The following ABAT variants were observed in gnomAD, a reference collection of about 807,000 sequenced individuals.
ABAT encodes the protein 4-aminobutyrate aminotransferase, also known as 4-aminobutyrate aminotransferase, mitochondrial.
In ABAT, 45 loss-of-function variants were observed where a neutral mutation model predicts 64.6. The observed-to-expected ratio is 0.70, with a 90% CI of 0.55 to 0.89. The LOEUF is 0.89. Ranked by LOEUF, ABAT falls within the 40% of genes least tolerant of loss-of-function variation. The pLI is 0.00. For missense variants in ABAT, 633 were observed against 658.4 expected, an observed-to-expected ratio of 0.96 and a Z score of 0.42; for synonymous variants, 297 against 250.5, an observed-to-expected ratio of 1.19 and a Z score of -1.75.
At chr16:8,770,338 CGTGTTAGCCAGG>C (rs1189383412) in intron 11 of ABAT, among the ~76,000 whole-genome samples, 1 of 152,130 alleles carries the variant, frequency 6.6e-6, no homozygotes, top group African/African-American at 2.4e-5. Flanking sequence ...AGGGTTTCAC[CGTGTTAGCCAGG>C]ATGGTCTCGA....
chr16:8,704,257 C>T (rs746599468), intron 1 of ABAT, among the ~76,000 whole-genome samples: 5 of 152,218 alleles, frequency 3.3e-5, no homozygotes, highest in African/African-American at 9.6e-5. Context: ...TCCACACCTT[C>T]GGAAACCAAA....
chr16:8,723,827 ATTTTTTTTTTTTTTT>A (rs1157410078), intron 1 of ABAT, among the ~76,000 whole-genome samples: 1 of 40,348 alleles, frequency 2.5e-5, no homozygotes, highest in Non-Finnish European at 4.0e-5. Context: ...ATATATATAT[ATTTTTTTTTTTTTTT>A]TTTTTTTTTT....
intron 14 of ABAT, 68 bp from the exon 15 acceptor site, chr16:8,779,411 C>T: frequency 1.5e-6 from 2 of 1,378,728 alleles, no homozygotes; most frequent in African/African-American, 1.4e-5. Flanking sequence ...TGACGAAGCA[C>T]AGCCATTAAG....
intron 1 of ABAT, among the ~76,000 whole-genome samples, chr16:8,675,809 C>G (rs551943882): frequency 6.6e-6 from 1 of 152,308 alleles, no homozygotes; most frequent in African/African-American, 2.4e-5. Flanking sequence ...GTGTTCAATG[C>G]ATTCTCTCTT....
chr16:8,731,337 G>A (rs755868763), intron 1 of ABAT: 3 of 152,148 alleles, frequency 2.0e-5, no homozygotes, highest in African/African-American at 4.8e-5. Flanking sequence ...AAACTTCTAG[G>A]TAACTCAACC....
At chr16:8,770,604 G>C (rs1257498641) in intron 11 of ABAT, among the ~76,000 whole-genome samples, 2 of 151,972 alleles carry the variant, frequency 1.3e-5, no homozygotes, top group Non-Finnish European at 2.9e-5. Flanking sequence ...ACCACACCTG[G>C]CTAATTTTTG....
intron 1 of ABAT, among the ~76,000 whole-genome samples, chr16:8,723,338 C>T (rs1450885470): frequency 1.3e-5 from 2 of 152,160 alleles, no homozygotes; most frequent in African/African-American, 2.4e-5. Context: ...GAGACTTGTG[C>T]ACCAGCAGGG....
At chr16:8,717,012 G>A (rs1045536393) in intron 1 of ABAT, among the ~76,000 whole-genome samples, 2 of 152,162 alleles carry the variant, frequency 1.3e-5, no homozygotes, top group Admixed American at 6.5e-5. Context: ...ATTGATGGCC[G>A]GGCACGGTAG....
rs2142998637 is a variant in ABAT, at chr16:8,776,647, G to A, written c.1269+157G>A. 6.6e-6 allele frequency among the ~76,000 whole-genome samples: 1 copy of A among 152,352 alleles called. No homozygotes were observed. Among genetic ancestry groups the A allele is most frequent in the African/African-American group, 2.4e-5 (1 of 41,588 alleles). ...TAGCCTTGGGGGCTTTGCACATGCT[G>A]TGTCCTCTGCAGGGGATGCCTCCCT... On this transcript the variant is annotated intron_variant, in intron 14 of 15. Coordinates refer to ENST00000268251, the MANE Select transcript of ABAT (RefSeq NM_020686.6). This position sits in a 1 kb window ranked among gnomAD's most constrained non-coding sequence, Gnocchi z 4.4.
intron 1 of ABAT, among the ~76,000 whole-genome samples, chr16:8,724,316 A>G (rs2058471077): frequency 6.6e-6 from 1 of 152,238 alleles, no homozygotes; most frequent in Non-Finnish European, 1.5e-5. Context: ...AAAATAAAAA[A>G]TAAGTAAAGC....
intron 12 of ABAT, among the ~76,000 whole-genome samples, chr16:8,774,005 T>C (rs773631282): frequency 6.6e-6 from 1 of 152,238 alleles, no homozygotes; most frequent in Non-Finnish European, 1.5e-5. Context: ...CTTGGCTCAC[T>C]GTAACCTCTG....
intron 6 of ABAT, among the ~76,000 whole-genome samples, chr16:8,762,627 G>A (rs778961963): frequency 2.6e-5 from 4 of 152,102 alleles, no homozygotes; most frequent in Non-Finnish European, 5.9e-5. Flanking sequence ...ACGCTTTCTC[G>A]AGCAAGAACA....
chr16:8,738,610 G>GTTTTTTTT (rs1481834240), intron 2 of ABAT, among the ~76,000 whole-genome samples: 4 of 122,050 alleles, frequency 3.3e-5, no homozygotes, highest in South Asian at 2.7e-4. Context: ...TTTTGTTTTT[G>GTTTTTTTT]TTTTTGTTTT....
At chr16:8,732,983 C>G (rs1228811019) in intron 1 of ABAT, among the ~76,000 whole-genome samples, 1 of 147,542 alleles carries the variant, frequency 6.8e-6, no homozygotes, top group African/African-American at 2.6e-5. Flanking sequence ...GGGGCTGATG[C>G]CCCCACCTCC....
intron 1 of ABAT, among the ~76,000 whole-genome samples, chr16:8,729,303 C>CAACAAAAACAAA (rs113915802): frequency 1.3e-5 from 2 of 148,318 alleles, no homozygotes; most frequent in African/African-American, 5.1e-5. Flanking sequence ...GACCCTGTCT[C>CAACAAAAACAAA]AACAAAAACA....
intron 1 of ABAT, among the ~76,000 whole-genome samples, chr16:8,690,627 C>T (rs564853456): frequency 4.1e-4 from 62 of 152,226 alleles, no homozygotes; most frequent in Admixed American, 1.6e-3. Context: ...ATGATTTATC[C>T]AGATCTAAGA....
At chr16:8,754,967 C>G (rs955791164) in intron 5 of ABAT, among the ~76,000 whole-genome samples, 11 of 152,082 alleles carry the variant, frequency 7.2e-5, no homozygotes, top group Non-Finnish European at 1.5e-4. Flanking sequence ...GACCCACCTG[C>G]CTCGGCCTCC....
intron 12 of ABAT, among the ~76,000 whole-genome samples, chr16:8,774,640 C>G (rs2060213403): frequency 6.6e-6 from 1 of 152,084 alleles, no homozygotes; most frequent in African/African-American, 2.4e-5. Context: ...ATTTAATGTT[C>G]TGGGTTTTTT....
chr16:8,676,368 A>C (rs1355777647), intron 1 of ABAT, among the ~76,000 whole-genome samples: 1 of 152,044 alleles, frequency 6.6e-6, no homozygotes, highest in African/African-American at 2.4e-5. Context: ...AGGACCCTTA[A>C]GGTGCTAGGA....
Sources: allele counts gnomAD v4.1 joint callset (sites outside exome capture counted in the v4.1 genomes callset), GRCh38; gene constraint gnomAD v4.1.1; non-coding constraint Gnocchi (gnomAD v3.1); transcripts MANE v1.5; gene names NCBI Gene and HGNC (gene_info 2026-07-23, HGNC 2026-07-21).